CNTNAP2: variants seen among roughly 807,000 people sequenced by gnomAD.
The protein encoded by CNTNAP2 is contactin associated protein 2.
Under a neutral mutation model 155.2 loss-of-function variants are expected in CNTNAP2, and 98 were observed. The observed-to-expected ratio is 0.63, with a 90% CI of 0.54 to 0.75. The LOEUF (loss-of-function observed/expected upper bound fraction) is 0.75. CNTNAP2 is among the 30% of genes least tolerant of loss of function. The probability of loss-of-function intolerance (pLI) is 0.00; values close to 1 mark genes in which losing one functional copy is unlikely to be tolerated. For missense variants in CNTNAP2, 1,727 were observed against 1,688.1 expected (o/e 1.02, Z -0.40); for synonymous variants, 651 against 631.2 (o/e 1.03, Z -0.47).
chr7:146,798,275 C>T (rs117932007), intron 2 of CNTNAP2, among the ~76,000 whole-genome samples: 2,449 of 149,798 alleles, frequency 0.016, 28 homozygotes, highest in Non-Finnish European at 0.028. Flanking sequence ...CAGACCCTGT[C>T]TCCAAAAAAA....
rs868277959 is a variant in CNTNAP2 at position 147,042,433 on chromosome 7, G to T, written c.403-1474G>T. ...CATTACACATTTTGTATTTCGGAGCGCAGGAATTTGACCGGGGAATGCGGG... is the reference window on the plus strand; with the variant it reads ...CATTACACATTTTGTATTTCGGAGCTCAGGAATTTGACCGGGGAATGCGGG... On this transcript the variant is annotated intron_variant, in intron 3 of 23. Coordinates refer to ENST00000361727, the MANE Select transcript of CNTNAP2 (RefSeq NM_014141.6). 2.6e-5 allele frequency among the ~76,000 whole-genome samples: 4 copies of T among 152,192 alleles called. No homozygotes were observed. The East Asian group carries it at 7.7e-4, about 29-fold the overall frequency.
chr7:146,460,166 A>G (rs1049036851), intron 1 of CNTNAP2, among the ~76,000 whole-genome samples: 4 of 152,326 alleles, frequency 2.6e-5, no homozygotes, highest in African/African-American at 9.6e-5. Flanking sequence ...ATAAATTAAT[A>G]TACAAATTTT....
At chr7:146,235,609 G>A (rs1166209147) in intron 1 of CNTNAP2, among the ~76,000 whole-genome samples, 2 of 152,128 alleles carry the variant, frequency 1.3e-5, no homozygotes, top group African/African-American at 4.8e-5. Flanking sequence ...TAAGGGATCT[G>A]GGGTTCTTAT....
intron 1 of CNTNAP2, among the ~76,000 whole-genome samples, chr7:146,177,388 CA>C (rs1798485555): frequency 1.3e-5 from 2 of 152,202 alleles, no homozygotes; most frequent in African/African-American, 4.8e-5. Flanking sequence ...AAAACAACAA[CA>C]GACTATTATC....
chr7:146,743,711 GC>G, intron 1 of CNTNAP2, among the ~76,000 whole-genome samples: 1 of 152,110 alleles, frequency 6.6e-6, no homozygotes, highest in Middle Eastern at 3.4e-3. Context: ...CAAGAATAAT[GC>G]CCTTGCAGTA....
rs1207309096 is a variant in CNTNAP2, at chr7:146,893,414, T to TA, written c.402+53511dup. Among the ~76,000 whole-genome samples, 10 of 151,484 alleles carry TA rather than the reference T, an allele frequency of 6.6e-5. No homozygotes were observed. The Admixed American group carries it at 6.6e-4, about 10-fold the overall frequency. On this transcript the variant is annotated intron_variant, in intron 3 of 23. Transcript: ENST00000361727. ...AGAGATCATTTATTACATATATACATATATGTATATATACATATGTGTGTG... is the reference window on the plus strand; with the variant it reads ...AGAGATCATTTATTACATATATACATAATATGTATATATACATATGTGTGTG...
At chr7:148,118,538 C>G (rs71532715) in intron 16 of CNTNAP2, among the ~76,000 whole-genome samples, 1 of 152,022 alleles carries the variant, frequency 6.6e-6, no homozygotes, top group African/African-American at 2.4e-5. Flanking sequence ...GAGAACACAC[C>G]GCCCTGAGAA....
intron 3 of CNTNAP2, among the ~76,000 whole-genome samples, chr7:146,869,391 C>T (rs1406362469): frequency 2.0e-5 from 3 of 152,030 alleles, no homozygotes; most frequent in Admixed American, 6.6e-5. Context: ...ATGGTAGATT[C>T]GCTTTTTGAT....
intron 13 of CNTNAP2, among the ~76,000 whole-genome samples, chr7:147,750,308 A>G (rs1797113038): frequency 6.6e-6 from 1 of 152,232 alleles, no homozygotes; most frequent in African/African-American, 2.4e-5. Context: ...ATGGCTAAGA[A>G]TATCCCATTT....
At chr7:148,188,098 G>GA (rs1795148797) in intron 18 of CNTNAP2, among the ~76,000 whole-genome samples, 1 of 152,086 alleles carries the variant, frequency 6.6e-6, no homozygotes, top group African/African-American at 2.4e-5. Context: ...AGTTTAGATG[G>GA]AAAAAATCGT....
chr7:146,187,348 T>A (rs1449895306), intron 1 of CNTNAP2, among the ~76,000 whole-genome samples: 1 of 152,188 alleles, frequency 6.6e-6, no homozygotes, highest in Non-Finnish European at 1.5e-5. Context: ...GCCTGATGGC[T>A]GCTTTTGGCA....
At chr7:146,556,937 G>A (rs1205438181) in intron 1 of CNTNAP2, among the ~76,000 whole-genome samples, 1 of 151,954 alleles carries the variant, frequency 6.6e-6, no homozygotes, top group East Asian at 1.9e-4. Flanking sequence ...ATAAGCCCAG[G>A]TTCTTTTCAG....
chr7:146,231,991 A>G (rs551795443), intron 1 of CNTNAP2, among the ~76,000 whole-genome samples: 33 of 152,294 alleles, frequency 2.2e-4, no homozygotes, highest in African/African-American at 7.5e-4. Context: ...CCTGAAGGTT[A>G]AACAGAGGTT....
intron 4 of CNTNAP2, chr7:147,082,542 T>C: frequency 6.6e-6 from 1 of 152,176 alleles, no homozygotes; most frequent in East Asian, 1.9e-4. Flanking sequence ...AAGCTCACCT[T>C]GCGCTTTCAT....
chr7:146,874,450 C>T (rs938373298), intron 3 of CNTNAP2, among the ~76,000 whole-genome samples: 1 of 152,062 alleles, frequency 6.6e-6, no homozygotes, highest in African/African-American at 2.4e-5. Context: ...AGTGATTCTC[C>T]TGCCTCGGCT....
At chr7:146,390,546 T>C (rs763436835) in intron 1 of CNTNAP2, among the ~76,000 whole-genome samples, 14 of 150,998 alleles carry the variant, frequency 9.3e-5, no homozygotes, top group Non-Finnish European at 1.6e-4. Context: ...TATGTATATA[T>C]ATACACACTA....
chr7:147,185,672 T>C (rs1182432742), intron 8 of CNTNAP2, among the ~76,000 whole-genome samples: 2 of 152,200 alleles, frequency 1.3e-5, no homozygotes, highest in African/African-American at 4.8e-5. Context: ...TAGGACACTA[T>C]TTTTATAAAA....
At chr7:147,807,108 T>C (rs1293798781) in intron 13 of CNTNAP2, among the ~76,000 whole-genome samples, 1 of 151,794 alleles carries the variant, frequency 6.6e-6, no homozygotes, top group Non-Finnish European at 1.5e-5. Flanking sequence ...ACCCAGGAGT[T>C]TGAGACCATA....
At chr7:146,881,503 T>C (rs1585136615) in intron 3 of CNTNAP2, among the ~76,000 whole-genome samples, 2 of 152,064 alleles carry the variant, frequency 1.3e-5, no homozygotes, top group Admixed American at 6.6e-5. Flanking sequence ...TTCCATTTAT[T>C]TATTTATTTT....
Sources: allele counts gnomAD v4.1 joint callset (sites outside exome capture counted in the v4.1 genomes callset), GRCh38; gene constraint gnomAD v4.1.1; transcripts MANE v1.5; gene names NCBI Gene and HGNC (gene_info 2026-07-23, HGNC 2026-07-21).